The following BICRAL variants were observed in gnomAD, a reference collection of about 807,000 sequenced individuals.
The protein encoded by BICRAL is BICRA like chromatin remodeling complex associated protein.
BICRAL carries 8 observed loss-of-function variants against 91.8 expected under a neutral mutation model. The observed-to-expected ratio is 0.09, with a 90% CI of 0.05 to 0.16. The LOEUF (loss-of-function observed/expected upper bound fraction) is 0.16. BICRAL is among the 10% of genes least tolerant of loss of function. BICRAL has a pLI of 1.00. For missense variants in BICRAL, 1,038 were observed against 1,310.9 expected (o/e 0.79, Z 3.21); for synonymous variants, 445 against 491.1 (o/e 0.91, Z 1.24).
chr6:42,785,731 A>T (rs1383061796), intron 1 of BICRAL, among the ~76,000 whole-genome samples: 1 of 152,202 alleles, frequency 6.6e-6, no homozygotes, highest in East Asian at 1.9e-4. Context: ...TAGTCAAGTT[A>T]TGTGGAACCT....
intron 10 of BICRAL, 41 bp downstream of exon 10, chr6:42,857,277 G>A: frequency 1.3e-6 from 2 of 1,558,188 alleles, no homozygotes. Flanking sequence ...CTGATACCAG[G>A]AAACCCTCCA....
In BICRAL at chr6:42,829,397, T is replaced by C. The variant is rs757678798; in HGVS notation, c.1064T>C (p.Val355Ala). ...ASASSPQGSV[V>A]GPHMSVNIVN... ...GCAAGCTCACCCCAGGGCTCAGTAGTTGGTCCACACATGTCTGTGAACATT... is the reference window on the plus strand; with the variant it reads ...GCAAGCTCACCCCAGGGCTCAGTAGCTGGTCCACACATGTCTGTGAACATT... The change falls in exon 6 of 13, where the codon GTT becomes GCT. Residue 355 changes from valine to alanine, a missense_variant. Transcript: ENST00000314073. 12 of 1,614,134 alleles carry C rather than the reference T, an allele frequency of 7.4e-6. No individual in the cohort carries two copies. The highest frequency in any genetic ancestry group is 1.0e-5 in the Non-Finnish European group (12 of 1,180,026).
chr6:42,848,699 C>A (rs927227394), intron 6 of BICRAL, among the ~76,000 whole-genome samples: 1 of 152,058 alleles, frequency 6.6e-6, no homozygotes, highest in African/African-American at 2.4e-5. Context: ...CAAAAACTAG[C>A]CAGGCTTGGT....
intron 1 of BICRAL, among the ~76,000 whole-genome samples, chr6:42,769,798 C>G (rs1486665242): frequency 6.6e-6 from 1 of 152,186 alleles, no homozygotes; most frequent in Non-Finnish European, 1.5e-5. Context: ...ACTTAAAGAT[C>G]ACCACCACAG....
chr6:42,788,210 G>C (rs1758918305), intron 1 of BICRAL, among the ~76,000 whole-genome samples: 1 of 150,624 alleles, frequency 6.6e-6, no homozygotes, highest in Admixed American at 6.6e-5. Context: ...AGACTACCAA[G>C]GGAGCAGCAT....
intron 1 of BICRAL, among the ~76,000 whole-genome samples, chr6:42,786,739 C>T (rs1053451882): frequency 1.3e-5 from 2 of 152,128 alleles, no homozygotes; most frequent in Non-Finnish European, 2.9e-5. Context: ...TGAGCTGAGA[C>T]GTGAAACATG....
intron 1 of BICRAL, among the ~76,000 whole-genome samples, chr6:42,783,300 C>A (rs1157493069): frequency 6.6e-6 from 1 of 152,064 alleles, no homozygotes; most frequent in Non-Finnish European, 1.5e-5. Flanking sequence ...GCGTCTCCTG[C>A]GAGGCCCGCG....
At chr6:42,750,764 A>G (rs372621169) in intron 1 of BICRAL, among the ~76,000 whole-genome samples, 1 of 146,438 alleles carries the variant, frequency 6.8e-6, no homozygotes, top group East Asian at 2.3e-4. Context: ...TTTAGTACAG[A>G]TGGGGTTTCA....
intron 1 of BICRAL, among the ~76,000 whole-genome samples, chr6:42,764,313 G>A (rs1030697779): frequency 6.6e-6 from 1 of 151,460 alleles, no homozygotes; most frequent in Non-Finnish European, 1.5e-5. Context: ...TTTGGGAGGC[G>A]GAGGTGGGTG....
At chr6:42,821,362 T>C (rs1764131740) in intron 2 of BICRAL, 1 of 152,278 alleles carries the variant, frequency 6.6e-6, no homozygotes, top group African/African-American at 2.4e-5. Flanking sequence ...TAGGGTGAAC[T>C]TTTTTGGTTG....
intron 11 of BICRAL, among the ~76,000 whole-genome samples, chr6:42,860,815 A>G (rs1022059513): frequency 2.0e-5 from 3 of 152,204 alleles, no homozygotes; most frequent in African/African-American, 7.2e-5. Context: ...TTGACATTCC[A>G]TAAAATTTAC....
chr6:42,762,171 A>G (rs1762561330), intron 1 of BICRAL, among the ~76,000 whole-genome samples: 1 of 152,126 alleles, frequency 6.6e-6, no homozygotes, highest in Non-Finnish European at 1.5e-5. Context: ...TGATTCCCTT[A>G]TGAATAGGTC....
rs1480639590 is a variant in BICRAL, at chr6:42,866,809, C to T, written c.*1363C>T. 1 of 456,338 alleles carries T rather than the reference C, an allele frequency of 2.2e-6. No homozygotes were observed. Among genetic ancestry groups the T allele is most frequent in the African/African-American group, 2.0e-5 (1 of 50,056 alleles). The allele number at this position is 456,338 out of a possible 1,614,324, so 28.3% of individuals were successfully genotyped here. On this transcript the variant is annotated 3_prime_UTR_variant, in exon 13 of 13. Transcript: ENST00000314073. The stretch of plus-strand genomic sequence containing the variant: ...CGTTTTCCTTTCTCGTATACCTGCC[C>T]CAGGTTATCCCATTTCTGTTGTTAC...
At chr6:42,862,481 A>T (rs769003002) in intron 11 of BICRAL, 29 bp from the exon 12 acceptor site, 1 of 1,396,604 alleles carries the variant, frequency 7.2e-7, no homozygotes, top group South Asian at 1.2e-5. Context: ...AAAATTGTCT[A>T]TGAAATGACT....
intron 6 of BICRAL, among the ~76,000 whole-genome samples, chr6:42,850,855 G>A (rs1765155923): frequency 6.7e-6 from 1 of 148,832 alleles, no homozygotes; most frequent in Non-Finnish European, 1.5e-5. Context: ...GTGACGGAGT[G>A]AGATTCCATC....
At chr6:42,840,727 G>A (rs1007496321) in intron 6 of BICRAL, among the ~76,000 whole-genome samples, 4 of 152,022 alleles carry the variant, frequency 2.6e-5, no homozygotes, top group Admixed American at 6.6e-5. Context: ...AGTAGAGACC[G>A]CACCTGGCCC....
chr6:42,824,685 T>C (rs561129743), intron 5 of BICRAL, among the ~76,000 whole-genome samples: 30 of 152,384 alleles, frequency 2.0e-4, no homozygotes, highest in African/African-American at 7.0e-4. Flanking sequence ...TTAGAATGTT[T>C]TGAACCTTGT....
intron 6 of BICRAL, among the ~76,000 whole-genome samples, chr6:42,841,920 C>G (rs1047775523): frequency 6.6e-6 from 1 of 152,132 alleles, no homozygotes; most frequent in African/African-American, 2.4e-5. Flanking sequence ...TTCTCCTTTT[C>G]TACATCCATA....
intron 5 of BICRAL, among the ~76,000 whole-genome samples, chr6:42,823,919 A>G (rs1365029515): frequency 6.6e-6 from 1 of 150,926 alleles, no homozygotes; most frequent in South Asian, 2.1e-4. Flanking sequence ...GCGAAACTCC[A>G]TCTCAAACAA....
Sources: gnomAD v4.1 joint callset for allele counts (sites outside exome capture counted in the v4.1 genomes callset) on GRCh38, gnomAD v4.1.1 for gene constraint, MANE v1.5 for transcripts, NCBI Gene and HGNC (gene_info 2026-07-23, HGNC 2026-07-21) for gene names.